The following PATE1 variants were observed in gnomAD, a reference collection of about 807,000 sequenced individuals.
The protein encoded by PATE1 is prostate and testis expressed protein 1.
A neutral mutation model predicts 13.1 loss-of-function variants in PATE1; 21 were observed. That is an observed-to-expected ratio of 1.61 (90% CI 1.14 to 2.31). The LOEUF (loss-of-function observed/expected upper bound fraction) is 2.31, where lower values mean the gene tolerates loss of function less well. PATE1 is among the 30% of genes most tolerant of loss of function. The pLI is 0.00. For synonymous variants in PATE1, 52 were observed against 47.1 expected (o/e 1.10, Z -0.43); for missense variants, 166 against 147.2 (o/e 1.13, Z -0.66).
intron 4 of PATE1, among the ~76,000 whole-genome samples, chr11:125,748,305 T>C (rs1943291633): frequency 6.6e-6 from 1 of 152,218 alleles, no homozygotes; most frequent in African/African-American, 2.4e-5. Flanking sequence ...TCTTGGCATT[T>C]ATAACCCTCA....
intron 3 of PATE1, 57 bp from the exon 4 acceptor site, chr11:125,747,643 G>T: frequency 8.1e-6 from 13 of 1,604,434 alleles, no homozygotes; most frequent in Non-Finnish European, 1.1e-5. Flanking sequence ...GGGGAGAGGG[G>T]TTCTTTCCTG....
intron 3 of PATE1, 74 bp from the exon 4 acceptor site, chr11:125,747,626 C>A (rs1460364267): frequency 1.9e-6 from 3 of 1,592,002 alleles, no homozygotes; most frequent in Non-Finnish European, 2.6e-6. Context: ...AGACTTCTAA[C>A]CCAAAAGGGG....
intron 1 of PATE1, 53 bp from the exon 2 acceptor site, chr11:125,746,608 G>A (rs1383337418): frequency 6.3e-7 from 1 of 1,597,300 alleles, no homozygotes; most frequent in Non-Finnish European, 8.6e-7. Context: ...GCTTTGAGAT[G>A]GGGTTTGGAA....
chr11:125,746,457 A>T, intron 1 of PATE1, 101 bp downstream of exon 1: 2 of 1,395,704 alleles, frequency 1.4e-6, no homozygotes, highest in Non-Finnish European at 2.0e-6. Context: ...TGGCAACTGA[A>T]GCATGATGAG....
chr11:125,746,644 C>CT lies in PATE1; in HGVS notation c.53-8dup, dbSNP rs745805577. 9.7e-5 allele frequency: 153 copies of CT among 1,577,666 alleles called. No homozygotes were observed. Among genetic ancestry groups the CT allele is most frequent in the Middle Eastern group, 5.0e-4 (3 of 5,960 alleles). On this transcript the variant is annotated splice_polypyrimidine_tract_variant and intron_variant, in intron 1 of 4. Coordinates refer to ENST00000305738, the MANE Select transcript of PATE1 (RefSeq NM_138294.3). Reference sequence around the variant, plus strand: ...AATGAGGTCTGCAGACAGTGTATCTCTTTTTTTTTCCAACAGCATTATCTG... The same window carrying CT: ...AATGAGGTCTGCAGACAGTGTATCTCTTTTTTTTTTCCAACAGCATTATCTG...
chr11:125,746,550 G>C, intron 1 of PATE1, 111 bp from the exon 2 acceptor site: 2 of 1,419,472 alleles, frequency 1.4e-6, no homozygotes, highest in Admixed American at 1.7e-5. Flanking sequence ...CTTCCTTTAT[G>C]GGGGGAAATA....
At chr11:125,747,254 G>A in intron 2 of PATE1, 122 bp from the exon 3 acceptor site, 1 of 811,428 alleles carries the variant, frequency 1.2e-6, no homozygotes, top group South Asian at 1.6e-5. Flanking sequence ...GGACAGAGTG[G>A]GCCTGGAATG....
rs1018168855 is a variant in PATE1 at position 125,749,224 on chromosome 11, G to A, written c.*491G>A. On this transcript the variant is annotated 3_prime_UTR_variant, in exon 5 of 5. Coordinates refer to ENST00000305738, the MANE Select transcript of PATE1 (RefSeq NM_138294.3). Reference sequence around the variant, plus strand: ...GGGAGTAGCAACATAAAAAGAAGTGGCTCAAGTCTTCTTGGAGTTTGTTCA... The same window carrying A: ...GGGAGTAGCAACATAAAAAGAAGTGACTCAAGTCTTCTTGGAGTTTGTTCA... 6.6e-6 allele frequency: 1 copy of A among 152,272 alleles called. No individual in the cohort carries two copies. Among genetic ancestry groups the A allele is most frequent in the Non-Finnish European group, 1.5e-5 (1 of 68,158 alleles). The allele number at this position is 152,272 out of a possible 1,614,324, so 9.4% of individuals were successfully genotyped here.
Position 125,748,835 on chromosome 11 carries a change from C to CACACATT in PATE1, c.*102_*103insACACATT. ...AAAATCACACACACACACACACACA[C>CACACATT]TACAGAAGAGGATTGCAAACACATG... On this transcript the variant is annotated 3_prime_UTR_variant, in exon 5 of 5. Coordinates refer to ENST00000305738, the MANE Select transcript of PATE1 (RefSeq NM_138294.3). 1 of 1,347,946 alleles carries CACACATT rather than the reference C, an allele frequency of 7.4e-7. No homozygotes were observed. Among genetic ancestry groups the CACACATT allele is most frequent in the Non-Finnish European group, 1.0e-6 (1 of 992,108 alleles). The allele number at this position is 1,347,946 out of a possible 1,614,324, so 83.5% of individuals were successfully genotyped here. A position where few individuals can be genotyped will look rare whatever the true frequency, so the allele number is the denominator to read the frequency against.
intron 4 of PATE1, 44 bp from the exon 5 acceptor site, chr11:125,748,556 T>A: frequency 6.3e-7 from 1 of 1,595,676 alleles, no homozygotes; most frequent in Non-Finnish European, 8.5e-7. Flanking sequence ...TTAGCAGAAC[T>A]TTCATGGCCA....
At chr11:125,746,485 T>C in intron 1 of PATE1, 129 bp downstream of exon 1, 1 of 1,301,878 alleles carries the variant, frequency 7.7e-7, no homozygotes, top group Non-Finnish European at 1.1e-6. Context: ...TCTAATGTTA[T>C]GCCTTCTACC....
Position 125,747,829 on chromosome 11 carries a change from T to C in PATE1, c.247+7T>C, listed in dbSNP as rs1469803468. The C allele has an allele frequency of 6.2e-7, 1 of 1,613,454 alleles. No homozygotes were observed. Among genetic ancestry groups the C allele is most frequent in the Admixed American group, 1.7e-5 (1 of 59,966 alleles). ...GTTGGAAGGATGTTCAAAAGTAAGT[T>C]GTGGGTTGGGGAAAAGAAGAACGGG... is the stretch of plus-strand genomic sequence containing the variant. On this transcript the variant is annotated splice_region_variant and intron_variant, in intron 4 of 4. Coordinates refer to ENST00000305738, the MANE Select transcript of PATE1 (RefSeq NM_138294.3).
chr11:125,747,524 A>C, intron 3 of PATE1, 113 bp downstream of exon 3: 1 of 1,415,110 alleles, frequency 7.1e-7, no homozygotes, highest in Non-Finnish European at 9.8e-7. Context: ...TCCTGAGACC[A>C]TAAACCTCAA....
In PATE1 at chr11:125,749,525, T is replaced by C. The variant is rs1365616725; in HGVS notation, c.*792T>C. On this transcript the variant is annotated 3_prime_UTR_variant, in exon 5 of 5. Transcript: ENST00000305738. ...ACCAGCAGCAAAACAAATATTCCCA[T>C]GCCTGGAGCATGGCATAGAGGAAGC... 6.6e-6 allele frequency: 1 copy of C among 152,296 alleles called. No homozygotes were observed. Among genetic ancestry groups the C allele is most frequent in the Non-Finnish European group, 1.5e-5 (1 of 68,134 alleles). The allele number at this position is 152,296 out of a possible 1,614,324, so 9.4% of individuals were successfully genotyped here. A position where few individuals can be genotyped will look rare whatever the true frequency, so the allele number is the denominator to read the frequency against.
At chr11:125,747,280 T>C in intron 2 of PATE1, 96 bp from the exon 3 acceptor site, 2 of 1,148,576 alleles carry the variant, frequency 1.7e-6, no homozygotes, top group Middle Eastern at 2.0e-4. Flanking sequence ...AGTTTAAGAG[T>C]GCAGGATGGA....
rs200461904 is a variant in PATE1, at chr11:125,747,833, G to T, written c.247+11G>T. The T allele has an allele frequency of 2.5e-6, 4 of 1,613,570 alleles. No individual in the cohort carries two copies. The highest frequency in any genetic ancestry group is 2.7e-5 in the African/African-American group (2 of 75,006). On this transcript the variant is annotated intron_variant, in intron 4 of 4. Transcript: ENST00000305738. ...GAAGGATGTTCAAAAGTAAGTTGTG[G>T]GTTGGGGAAAAGAAGAACGGGCAGA... is the stretch of plus-strand genomic sequence containing the variant.
intron 3 of PATE1, 39 bp downstream of exon 3, chr11:125,747,450 GA>G (rs1208897716): frequency 3.8e-6 from 6 of 1,579,166 alleles, no homozygotes; most frequent in Non-Finnish European, 5.2e-6. Flanking sequence ...CCTCAGTCTT[GA>G]TAATGTTTCA....
In PATE1 at chr11:125,748,970, T is replaced by C. The variant is rs1269408782; in HGVS notation, c.*237T>C. The C allele has an allele frequency of 2.3e-6, 1 of 431,360 alleles. No homozygotes were observed. Among genetic ancestry groups the C allele is most frequent in the Non-Finnish European group, 4.0e-6 (1 of 248,576 alleles). The allele number at this position is 431,360 out of a possible 1,614,324, so 26.7% of individuals were successfully genotyped here. A position where few individuals can be genotyped will look rare whatever the true frequency, so the allele number is the denominator to read the frequency against. ...CTTGAGAGAAAGAACAAGATCAATA[T>C]ATCCTGCAGGTTGCTACAAACCCTT... On this transcript the variant is annotated 3_prime_UTR_variant, in exon 5 of 5. Coordinates refer to ENST00000305738, the MANE Select transcript of PATE1 (RefSeq NM_138294.3).
At chr11:125,747,303 G>A (rs1036308885) in intron 2 of PATE1, 73 bp from the exon 3 acceptor site, 9 of 1,440,426 alleles carry the variant, frequency 6.2e-6, no homozygotes, top group African/African-American at 1.4e-5. Context: ...CTGAAGGGCA[G>A]ACTATAAGAA....
Sources: allele counts gnomAD v4.1 joint callset (sites outside exome capture counted in the v4.1 genomes callset), GRCh38; gene constraint gnomAD v4.1.1; transcripts MANE v1.5; gene names NCBI Gene and HGNC (gene_info 2026-07-23, HGNC 2026-07-21).